The following CWH43 variants were observed in gnomAD, a reference collection of about 807,000 sequenced individuals.
CWH43 encodes the protein PGAP2-interacting protein.
CWH43 carries 91 observed loss-of-function variants against 85.7 expected under a neutral mutation model. The observed-to-expected ratio is 1.06, with a 90% confidence interval of 0.90 to 1.26. CWH43 has a LOEUF of 1.26. Among genes scored for constraint, CWH43 ranks in the 50% most tolerant of loss-of-function variants. The pLI is 0.00. For synonymous variants in CWH43, 323 were observed against 293.6 expected, an observed-to-expected ratio of 1.10 and a Z score of -1.02; for missense variants, 869 against 839.2, an observed-to-expected ratio of 1.04 and a Z score of -0.44.
chr4:49,029,550 A>G (rs554089172), intron 10 of CWH43, among the ~76,000 whole-genome samples: 1 of 152,308 alleles, frequency 6.6e-6, no homozygotes, highest in Non-Finnish European at 1.5e-5. Flanking sequence ...AGGATTAGTA[A>G]AAGAGGAAGG....
intron 4 of CWH43, among the ~76,000 whole-genome samples, chr4:48,993,874 C>G (rs113773866): frequency 0.046 from 6,949 of 152,234 alleles, 249 homozygotes; most frequent in Non-Finnish European, 0.066. Context: ...CCTGACTCAG[C>G]CTCCCGAGTA....
rs1255698805 is a variant in CWH43 at position 48,991,618 on chromosome 4, C to T, written c.356+44C>T. 2.5e-6 allele frequency: 4 copies of T among 1,598,082 alleles called. No individual in the cohort carries two copies. The Admixed American group carries it at 7.0e-5, about 28-fold the overall frequency. ...GTACTTATAGACAAACAAGTATAACCAGTTACCAAAGGGAAACCTGGGGCC... is the reference window on the plus strand; with the variant it reads ...GTACTTATAGACAAACAAGTATAACTAGTTACCAAAGGGAAACCTGGGGCC... On this transcript the variant is annotated intron_variant, in intron 3 of 15. Coordinates refer to ENST00000226432, the MANE Select transcript of CWH43 (RefSeq NM_025087.3).
chr4:49,054,829 G>A (rs770353288), intron 15 of CWH43, among the ~76,000 whole-genome samples: 5 of 151,760 alleles, frequency 3.3e-5, no homozygotes, highest in African/African-American at 4.8e-5. Context: ...AAATGCTACT[G>A]ATTTTTGTAT....
At chr4:49,009,720 T>G (rs1002326320) in intron 8 of CWH43, among the ~76,000 whole-genome samples, 1 of 152,190 alleles carries the variant, frequency 6.6e-6, no homozygotes, top group Non-Finnish European at 1.5e-5. Flanking sequence ...CTTTTCTGCA[T>G]CTATTGAGAT....
chr4:49,037,946 T>C (rs1250987334), intron 12 of CWH43, 90 bp from the exon 13 acceptor site: 2 of 1,114,760 alleles, frequency 1.8e-6, no homozygotes, highest in Non-Finnish European at 2.6e-6. Context: ...CTTCACTATA[T>C]GCAGATAGTC....
At chr4:49,049,520 TA>T (rs995253824) in intron 14 of CWH43, among the ~76,000 whole-genome samples, 160 of 143,478 alleles carry the variant, frequency 1.1e-3, no homozygotes, top group Middle Eastern at 3.6e-3. Flanking sequence ...TATCTCACTC[TA>T]AAAAAAAAAA....
At chr4:49,017,416 G>A in intron 9 of CWH43, 88 bp downstream of exon 9, 1 of 941,132 alleles carries the variant, frequency 1.1e-6, no homozygotes, top group Admixed American at 2.2e-5. Context: ...ATTGAACCTG[G>A]ATCTGATGAC....
intron 8 of CWH43, among the ~76,000 whole-genome samples, chr4:49,009,598 T>A (rs1352207811): frequency 6.6e-6 from 1 of 152,198 alleles, no homozygotes; most frequent in African/African-American, 2.4e-5. Flanking sequence ...TTCGGTATGA[T>A]ATTGACTGTG....
chr4:49,044,848 G>C lies in CWH43; in HGVS notation c.1865+1G>C. Reference sequence around the variant, plus strand: ...ACATTATGTATCGAGGGCTGATCAGGTGAGCACAGGGGTTTGATTTTGTTT... The same window carrying C: ...ACATTATGTATCGAGGGCTGATCAGCTGAGCACAGGGGTTTGATTTTGTTT... On this transcript the variant is annotated splice_donor_variant, in intron 14 of 15. Coordinates refer to ENST00000226432, the MANE Select transcript of CWH43 (RefSeq NM_025087.3). LOFTEE classifies it high-confidence loss of function. 1 of 1,611,712 alleles carries C rather than the reference G, an allele frequency of 6.2e-7. No individual in the cohort carries two copies. The highest frequency in any genetic ancestry group is 8.5e-7 in the Non-Finnish European group (1 of 1,178,108).
chr4:49,053,388 A>G (rs1157830280), intron 15 of CWH43, among the ~76,000 whole-genome samples: 1 of 152,184 alleles, frequency 6.6e-6, no homozygotes, highest in Non-Finnish European at 1.5e-5. Context: ...TAATATGGCT[A>G]TACTAATTTA....
At chr4:49,016,185 A>G (rs1783536263) in intron 8 of CWH43, among the ~76,000 whole-genome samples, 1 of 152,228 alleles carries the variant, frequency 6.6e-6, no homozygotes, top group African/African-American at 2.4e-5. Flanking sequence ...CCGAAGAACT[A>G]CACATTTCCC....
chr4:49,023,974 C>G (rs552772106), intron 9 of CWH43, among the ~76,000 whole-genome samples: 1 of 152,254 alleles, frequency 6.6e-6, no homozygotes, highest in East Asian at 1.9e-4. Flanking sequence ...GTGCTGCTAT[C>G]TATCTCATTT....
intron 13 of CWH43, among the ~76,000 whole-genome samples, chr4:49,043,512 G>A (rs1425840700): frequency 6.6e-6 from 1 of 152,158 alleles, no homozygotes; most frequent in African/African-American, 2.4e-5. Context: ...GTCAAAATTG[G>A]TAGTGGATTC....
At chr4:48,991,846 A>C in intron 3 of CWH43, 90 bp from the exon 4 acceptor site, 2 of 1,153,868 alleles carry the variant, frequency 1.7e-6, no homozygotes, top group Non-Finnish European at 2.5e-6. Flanking sequence ...AGACTATTTC[A>C]GCTACTTATT....
chr4:48,991,826 A>G, intron 3 of CWH43, 110 bp from the exon 4 acceptor site: 1 of 1,017,258 alleles, frequency 9.8e-7, no homozygotes, highest in East Asian at 2.4e-5. Flanking sequence ...ATTATTGCAA[A>G]TTACCAATAA....
intron 13 of CWH43, among the ~76,000 whole-genome samples, chr4:49,043,498 C>T (rs1784531078): frequency 1.3e-5 from 2 of 152,166 alleles, no homozygotes; most frequent in Non-Finnish European, 2.9e-5. Flanking sequence ...TGATCAAAAG[C>T]TGTGTCAAAA....
At chr4:49,043,990 CT>C (rs1784547191) in intron 13 of CWH43, among the ~76,000 whole-genome samples, 1 of 151,966 alleles carries the variant, frequency 6.6e-6, no homozygotes, top group Non-Finnish European at 1.5e-5. Context: ...GTGATGTATT[CT>C]TTTAGTGATC....
At chr4:49,007,354 AAATT>A in intron 8 of CWH43, 28 bp downstream of exon 8, 1 of 1,508,824 alleles carries the variant, frequency 6.6e-7, no homozygotes, top group African/African-American at 1.4e-5. Flanking sequence ...TTCTTAAAAA[AAATT>A]AATTATATAA....
At chr4:49,004,903 A>T (rs1397524967) in intron 7 of CWH43, among the ~76,000 whole-genome samples, 1 of 152,192 alleles carries the variant, frequency 6.6e-6, no homozygotes, top group African/African-American at 2.4e-5. Flanking sequence ...TTCAATTTTA[A>T]TATTTTAAAA....
Sources: gnomAD v4.1 joint callset for allele counts (sites outside exome capture counted in the v4.1 genomes callset) on GRCh38, gnomAD v4.1.1 for gene constraint, MANE v1.5 for transcripts, NCBI Gene and HGNC (gene_info 2026-07-23, HGNC 2026-07-21) for gene names.